The following SHLD1 variants were observed in gnomAD, a reference collection of about 807,000 sequenced individuals.
SHLD1 encodes shieldin complex subunit 1.
Under a neutral mutation model 5.5 loss-of-function variants are expected in SHLD1, and 3 were observed. The observed-to-expected ratio is 0.54, with a 90% confidence interval of 0.25 to 1.40. The LOEUF (loss-of-function observed/expected upper bound fraction) is 1.40, where lower values mean the gene tolerates loss of function less well. Ranked by LOEUF, SHLD1 falls within the 40% of genes most tolerant of loss-of-function variation. SHLD1 has a pLI of 0.15. For missense variants in SHLD1, 210 were observed against 244.4 expected, an observed-to-expected ratio of 0.86 and a Z score of 0.94; for synonymous variants, 92 against 94.3, an observed-to-expected ratio of 0.98 and a Z score of 0.14.
intron 2 of SHLD1, among the ~76,000 whole-genome samples, chr20:5,790,395 A>G (rs1038054274): frequency 6.6e-6 from 1 of 152,196 alleles, no homozygotes; most frequent in South Asian, 2.1e-4. Flanking sequence ...TTAAACTTTC[A>G]TTGAAACCAC....
At chr20:5,798,621 T>A (rs142088425) in intron 2 of SHLD1, among the ~76,000 whole-genome samples, 83,321 of 139,216 alleles carry the variant, frequency 0.6, 25,150 homozygotes, top group East Asian at 0.78. Context: ...AGTTTTCTTT[T>A]TTTTTTTTTT....
intron 2 of SHLD1, among the ~76,000 whole-genome samples, chr20:5,823,265 C>T (rs1003187283): frequency 5.3e-5 from 8 of 152,066 alleles, no homozygotes; most frequent in African/African-American, 1.7e-4. Context: ...TGACCTCAGG[C>T]CTCAGGCCTC....
chr20:5,849,676 G>A (rs13039245), intron 2 of SHLD1, among the ~76,000 whole-genome samples: 3,505 of 152,272 alleles, frequency 0.023, 84 homozygotes, highest in East Asian at 0.13. Context: ...AATTCATTGA[G>A]GGGCCGGGCG....
intron 2 of SHLD1, among the ~76,000 whole-genome samples, chr20:5,839,559 A>C (rs965149123): frequency 1.8e-4 from 27 of 152,238 alleles, no homozygotes; most frequent in Admixed American, 7.9e-4. Flanking sequence ...AAAGCAGACC[A>C]AAGTATACCA....
chr20:5,760,041 T>C (rs1414453348), intron 1 of SHLD1, among the ~76,000 whole-genome samples: 1 of 152,146 alleles, frequency 6.6e-6, no homozygotes, highest in Non-Finnish European at 1.5e-5. Flanking sequence ...TGACAGTATA[T>C]TGCAGACATC....
intron 2 of SHLD1, among the ~76,000 whole-genome samples, chr20:5,846,606 A>G (rs1166941647): frequency 6.6e-6 from 1 of 152,196 alleles, no homozygotes; most frequent in Admixed American, 6.5e-5. Context: ...TCCCTGAATG[A>G]TTGTTTTAAG....
intron 2 of SHLD1, among the ~76,000 whole-genome samples, chr20:5,808,620 T>G (rs2087416141): frequency 6.6e-6 from 1 of 152,218 alleles, no homozygotes; most frequent in Non-Finnish European, 1.5e-5. Flanking sequence ...TAACGAGATG[T>G]CTATTGATGG....
intron 2 of SHLD1, among the ~76,000 whole-genome samples, chr20:5,789,948 A>G (rs6038284): frequency 0.29 from 44,591 of 152,102 alleles, 6,527 homozygotes; most frequent in Middle Eastern, 0.34. Context: ...GCCCCCGGGA[A>G]GGGGAGATTA....
At chr20:5,816,376 T>G (rs1205083590) in intron 2 of SHLD1, among the ~76,000 whole-genome samples, 1 of 152,176 alleles carries the variant, frequency 6.6e-6, no homozygotes, top group Non-Finnish European at 1.5e-5. Context: ...ACTGCGTATA[T>G]TCGGGGTTTG....
At chr20:5,756,814 G>A (rs370828470) in intron 1 of SHLD1, 49 of 275,512 alleles carry the variant, frequency 1.8e-4, no homozygotes, top group Admixed American at 9.6e-4. Context: ...GATTACAGGC[G>A]TAAGCCACCA....
At chr20:5,760,708 A>C (rs1600090982) in intron 1 of SHLD1, among the ~76,000 whole-genome samples, 1 of 151,916 alleles carries the variant, frequency 6.6e-6, no homozygotes, top group Admixed American at 6.6e-5. Context: ...TAAAAAAAAA[A>C]CAACAAGGTG....
intron 2 of SHLD1, among the ~76,000 whole-genome samples, chr20:5,829,200 T>C (rs2087700369): frequency 6.6e-6 from 1 of 152,158 alleles, no homozygotes; most frequent in Non-Finnish European, 1.5e-5. Context: ...ATTAATGAGT[T>C]CAGGGAGTTC....
chr20:5,844,455 T>C (rs1398029656), intron 2 of SHLD1, among the ~76,000 whole-genome samples: 1 of 152,128 alleles, frequency 6.6e-6, no homozygotes, highest in Non-Finnish European at 1.5e-5. Flanking sequence ...TAGAGGGATG[T>C]GTTTGGGGAT....
In SHLD1 at chr20:5,754,771, T is replaced by G. The variant is rs181260196; in HGVS notation, c.-5+4292T>G. Among the ~76,000 whole-genome samples, 6 of 152,244 alleles carry G rather than the reference T, an allele frequency of 3.9e-5. No homozygotes were observed. The East Asian group carries it at 1.2e-3, about 29-fold the overall frequency. ...AAATCAGCATAAAGAAATGCTTGAG[T>G]TGGGCCGGGCGTGGTGGCTCACGCC... On this transcript the variant is annotated intron_variant, in intron 1 of 2. Coordinates refer to ENST00000303142, the MANE Select transcript of SHLD1 (RefSeq NM_152504.4).
rs539749672 is a variant in SHLD1 at position 5,849,698 on chromosome 20, G to T, written c.179-13326G>T. Among the ~76,000 whole-genome samples, 3 of 152,260 alleles carry T rather than the reference G, an allele frequency of 2.0e-5. No individual in the cohort carries two copies. In the East Asian group the frequency reaches 5.8e-4, roughly 29 times the overall value. ...TGAGGGGCCGGGCGCGGTGGCTCACGCCTGTAATCCCAGCACTTTGGGAGG... is the reference window on the plus strand; with the variant it reads ...TGAGGGGCCGGGCGCGGTGGCTCACTCCTGTAATCCCAGCACTTTGGGAGG... On this transcript the variant is annotated intron_variant, in intron 2 of 2. Transcript: ENST00000303142.
intron 1 of SHLD1, among the ~76,000 whole-genome samples, chr20:5,755,697 T>C (rs1412578547): frequency 1.3e-5 from 2 of 151,944 alleles, no homozygotes; most frequent in Non-Finnish European, 2.9e-5. Context: ...GTAGCTGGGA[T>C]TACAGGCACG....
intron 1 of SHLD1, among the ~76,000 whole-genome samples, chr20:5,754,284 T>A (rs1983934168): frequency 6.6e-6 from 1 of 152,098 alleles, no homozygotes; most frequent in South Asian, 2.1e-4. Flanking sequence ...CTAGTTTTTG[T>A]ATTTTTTGTA....
chr20:5,836,381 C>A (rs1600167158), intron 2 of SHLD1, among the ~76,000 whole-genome samples: 1 of 152,126 alleles, frequency 6.6e-6, no homozygotes, highest in East Asian at 1.9e-4. Flanking sequence ...TACACAATAT[C>A]ATGGAATATT....
intron 2 of SHLD1, among the ~76,000 whole-genome samples, chr20:5,793,862 C>G (rs1323391964): frequency 1.3e-5 from 2 of 152,064 alleles, no homozygotes; most frequent in African/African-American, 4.8e-5. Context: ...CACATGCCAC[C>G]GTGCCTGGCT....
Sources: gnomAD v4.1 joint callset for allele counts (sites outside exome capture counted in the v4.1 genomes callset) on GRCh38, gnomAD v4.1.1 for gene constraint, MANE v1.5 for transcripts, NCBI Gene and HGNC (gene_info 2026-07-23, HGNC 2026-07-21) for gene names.